The following GPATCH1 variants were observed in gnomAD, a reference collection of about 807,000 sequenced individuals.
GPATCH1 encodes the protein G-patch domain containing 1.
In GPATCH1, 73 loss-of-function variants were observed where a neutral mutation model predicts 114.9. That is an observed-to-expected ratio of 0.64 (90% CI 0.53 to 0.77). The LOEUF (loss-of-function observed/expected upper bound fraction) is 0.77. Ranked by LOEUF, GPATCH1 falls within the 30% of genes least tolerant of loss-of-function variation. The pLI is 0.00. For missense variants in GPATCH1, 1,058 were observed against 1,144.3 expected, an observed-to-expected ratio of 0.92 and a Z score of 1.09; for synonymous variants, 391 against 428.4, an observed-to-expected ratio of 0.91 and a Z score of 1.08.
intron 15 of GPATCH1, among the ~76,000 whole-genome samples, chr19:33,117,301 T>A (rs1972927169): frequency 6.6e-6 from 1 of 152,188 alleles, no homozygotes; most frequent in Non-Finnish European, 1.5e-5. Context: ...GCGGTTTGAT[T>A]ATGATGTATC....
chr19:33,128,607 T>C (rs1973068892), intron 19 of GPATCH1, among the ~76,000 whole-genome samples: 1 of 152,148 alleles, frequency 6.6e-6, no homozygotes, highest in Non-Finnish European at 1.5e-5. Context: ...TTGCCCAAAC[T>C]GGTCTCGAAC....
chr19:33,114,004 G>C, intron 14 of GPATCH1, 101 bp downstream of exon 14: 1 of 1,044,832 alleles, frequency 9.6e-7, no homozygotes, highest in Non-Finnish European at 1.4e-6. Flanking sequence ...CAATGTGAAT[G>C]GTGCATATTC....
rs1490126818 is a variant in GPATCH1 at position 33,119,053 on chromosome 19, A to G, written c.2457A>G (p.Ile819Met). The change falls in exon 17 of 20, where the codon ATA (isoleucine) becomes ATG (methionine). Residue 819 changes from isoleucine to methionine, a missense_variant. Around this residue, in one of 3 missense-constraint regions of GPATCH1, gnomAD observed 893 missense variants for 977.4 expected, o/e 0.91. Transcript: ENST00000170564. ...APQEPPPSFP[I>M]QKMQIDEREE... ...AGGAGCCGCCACCTTCCTTCCCGAT[A>G]CAAAAGATGCAGATAGATGAAAGAG... The G allele has an allele frequency of 6.2e-7, 1 of 1,613,294 alleles. No individual in the cohort carries two copies. Among genetic ancestry groups the G allele is most frequent in the African/African-American group, 1.3e-5 (1 of 74,870 alleles).
At chr19:33,083,963 C>T (rs1252616692) in intron 1 of GPATCH1, among the ~76,000 whole-genome samples, 2 of 152,050 alleles carry the variant, frequency 1.3e-5, no homozygotes, top group Non-Finnish European at 2.9e-5. Flanking sequence ...GTGCCCACCA[C>T]CATGCCCGGC....
At chr19:33,112,718 T>A in intron 13 of GPATCH1, 105 bp downstream of exon 13, 1 of 774,930 alleles carries the variant, frequency 1.3e-6, no homozygotes, top group Non-Finnish European at 2.0e-6. Context: ...TACATGAACT[T>A]ATTTGCATAT....
chr19:33,096,175 A>G lies in GPATCH1; in HGVS notation c.613-32A>G, dbSNP rs1568340611. 3 of 1,605,236 alleles carry G rather than the reference A, an allele frequency of 1.9e-6. No individual in the cohort carries two copies. In the Admixed American group the frequency reaches 5.1e-5, roughly 27 times the overall value. ...TGGGTTTACTTTGCATCCTTCAGTG[A>G]CTCACCTTAATTCCACTTTAAACGG... On this transcript the variant is annotated intron_variant, in intron 6 of 19. Transcript: ENST00000170564.
At chr19:33,127,256 T>C (rs552166308) in intron 19 of GPATCH1, among the ~76,000 whole-genome samples, 8 of 151,786 alleles carry the variant, frequency 5.3e-5, no homozygotes, top group South Asian at 2.1e-4. Context: ...CGGTGGCTCA[T>C]GCCTGTAATC....
rs564701152 is a variant in GPATCH1 at position 33,124,983 on chromosome 19, T to C, written c.2522-122T>C. On this transcript the variant is annotated intron_variant, in intron 17 of 19. Coordinates refer to ENST00000170564, the MANE Select transcript of GPATCH1 (RefSeq NM_018025.3). ...GAAGCTAATCCAAGGGCAGGAGTTC[T>C]TCCTCAGTGTTAAACATTCCATCTA... is the stretch of plus-strand genomic sequence containing the variant. The C allele has an allele frequency of 5.5e-5, 53 of 962,582 alleles. No homozygotes were observed. In the South Asian group the frequency reaches 8.2e-4, roughly 15 times the overall value. The allele number at this position is 962,582 out of a possible 1,614,324, so 59.6% of individuals were successfully genotyped here.
In GPATCH1 at chr19:33,119,026, C is replaced by A; in HGVS notation, c.2430C>A (p.Pro810=). The A allele has an allele frequency of 6.2e-7, 1 of 1,611,464 alleles. No individual in the cohort carries two copies. The highest frequency in any genetic ancestry group is 8.5e-7 in the Non-Finnish European group (1 of 1,178,422). Residue 810 remains proline, a synonymous_variant, in exon 17 of 20, where the codon CCC becomes CCA. Coordinates refer to ENST00000170564, the MANE Select transcript of GPATCH1 (RefSeq NM_018025.3). ...SSVAHALVPA[P]QEPPPSFPIQ... is the part of the protein sequence containing the mutation. ...GTTTTTCAGCTCTTGTGCCAGCACC[C>A]CAGGAGCCGCCACCTTCCTTCCCGA...
chr19:33,110,618 A>G (rs1366547746), intron 11 of GPATCH1, among the ~76,000 whole-genome samples: 2 of 151,922 alleles, frequency 1.3e-5, no homozygotes, highest in Non-Finnish European at 2.9e-5. Flanking sequence ...TTAACTCTCT[A>G]CTAAGAACCT....
At chr19:33,087,804 C>T (rs1377366307) in intron 1 of GPATCH1, among the ~76,000 whole-genome samples, 1 of 151,804 alleles carries the variant, frequency 6.6e-6, no homozygotes, top group African/African-American at 2.4e-5. Flanking sequence ...CTGCCTCAGC[C>T]TCCTAAGTAG....
intron 3 of GPATCH1, 115 bp from the exon 4 acceptor site, chr19:33,093,244 T>A (rs1476395236): frequency 1.6e-6 from 1 of 636,370 alleles, no homozygotes. Context: ...ACTCTGCTGA[T>A]CCAGAACTAA....
intron 9 of GPATCH1, 106 bp from the exon 10 acceptor site, chr19:33,106,589 C>G (rs35492529): frequency 0.16 from 143,228 of 868,580 alleles, 13,707 homozygotes; most frequent in East Asian, 0.36. Flanking sequence ...AGTGTTAACC[C>G]GGGAAGGGGC....
Position 33,085,400 on chromosome 19 carries a change from G to A in GPATCH1, c.74-2734G>A, listed in dbSNP as rs56057939. On this transcript the variant is annotated intron_variant, in intron 1 of 19. Transcript: ENST00000170564. ...ATGCCCGGCTAATTTTAAACATTGCGTCACTATGTTGCCCAGGTTTGTCTC... is the reference window on the plus strand; with the variant it reads ...ATGCCCGGCTAATTTTAAACATTGCATCACTATGTTGCCCAGGTTTGTCTC... 5.0e-3 allele frequency among the ~76,000 whole-genome samples: 757 copies of A among 152,070 alleles called. 8 individuals carry two copies. Among genetic ancestry groups the A allele is most frequent in the African/African-American group, 0.017 (701 of 41,468 alleles).
chr19:33,098,222 C>G (rs1010068190), intron 8 of GPATCH1, among the ~76,000 whole-genome samples: 4 of 152,102 alleles, frequency 2.6e-5, no homozygotes, highest in African/African-American at 9.7e-5. Flanking sequence ...ACCCAGAGCT[C>G]GAGGAACTGG....
chr19:33,125,403 CT>C (rs761807532), intron 18 of GPATCH1, among the ~76,000 whole-genome samples: 194 of 144,808 alleles, frequency 1.3e-3, no homozygotes, highest in Admixed American at 1.5e-3. Flanking sequence ...CGCCCCCCCG[CT>C]TTTTTTTTTT....
chr19:33,129,621 G>A (rs757643832), intron 19 of GPATCH1, among the ~76,000 whole-genome samples: 1 of 151,968 alleles, frequency 6.6e-6, no homozygotes, highest in African/African-American at 2.4e-5. Flanking sequence ...GTGAGTCTCT[G>A]TGTGTTTTCA....
intron 18 of GPATCH1, among the ~76,000 whole-genome samples, 199 bp downstream of exon 18, chr19:33,125,401 C>G (rs148850276): frequency 1.3e-5 from 2 of 151,214 alleles, no homozygotes; most frequent in South Asian, 2.1e-4. Flanking sequence ...AACGCCCCCC[C>G]GCTTTTTTTT....
chr19:33,099,236 G>A (rs1972697326), intron 8 of GPATCH1, among the ~76,000 whole-genome samples: 1 of 150,810 alleles, frequency 6.6e-6, no homozygotes, highest in Non-Finnish European at 1.5e-5. Context: ...AAAGTGGTGG[G>A]AGTATGAAAT....
Sources: allele counts gnomAD v4.1 joint callset (sites outside exome capture counted in the v4.1 genomes callset), GRCh38; gene constraint gnomAD v4.1.1; regional missense constraint gnomAD v4.1.1; transcripts MANE v1.5; gene names NCBI Gene and HGNC (gene_info 2026-07-23, HGNC 2026-07-21).